DCDC1: variants seen among roughly 807,000 people sequenced by gnomAD.
The protein encoded by DCDC1 is doublecortin domain-containing protein 1.
A neutral mutation model predicts 178.3 loss-of-function variants in DCDC1; 200 were observed. The ratio of observed to expected loss-of-function variants is 1.12; its 90% CI spans 1.00 to 1.26. The LOEUF is 1.26. Ranked by LOEUF, DCDC1 falls within the 50% of genes most tolerant of loss-of-function variation. DCDC1 has a pLI of 0.00. For missense variants in DCDC1, 1,983 were observed against 1,749.2 expected (o/e 1.13, Z -2.38); for synonymous variants, 690 against 604.8 (o/e 1.14, Z -2.07).
chr11:31,308,044 T>A, intron 3 of DCDC1, 136 bp from the exon 4 acceptor site: 1 of 1,133,772 alleles, frequency 8.8e-7, no homozygotes, highest in East Asian at 2.5e-5. Context: ...GTTTAATGCC[T>A]ACAATATTCC....
chr11:31,348,410 C>T (rs1950914198), intron 1 of DCDC1, among the ~76,000 whole-genome samples: 1 of 152,148 alleles, frequency 6.6e-6, no homozygotes, highest in African/African-American at 2.4e-5. Context: ...CAGATATTAC[C>T]TCTCAAAGGC....
chr11:31,313,861 T>C (rs934100329), intron 3 of DCDC1, among the ~76,000 whole-genome samples: 3 of 152,200 alleles, frequency 2.0e-5, no homozygotes, highest in Non-Finnish European at 2.9e-5. Context: ...TCACCTACTG[T>C]TGAGATTTTC....
At chr11:31,268,502 C>T (rs1945328122) in intron 7 of DCDC1, among the ~76,000 whole-genome samples, 1 of 152,124 alleles carries the variant, frequency 6.6e-6, no homozygotes, top group South Asian at 2.1e-4. Flanking sequence ...CATTAATTTG[C>T]TTAGGATAAT....
intron 36 of DCDC1, among the ~76,000 whole-genome samples, chr11:30,887,308 A>G (rs1209342864): frequency 6.6e-6 from 1 of 152,232 alleles, no homozygotes; most frequent in Non-Finnish European, 1.5e-5. Context: ...GATATAAGGC[A>G]TGACAACAAC....
chr11:30,922,860 C>T (rs886383504), intron 23 of DCDC1, among the ~76,000 whole-genome samples: 4 of 152,066 alleles, frequency 2.6e-5, no homozygotes, highest in African/African-American at 4.8e-5. Flanking sequence ...AGTGAAAATA[C>T]TATCTTTGTA....
intron 1 of DCDC1, among the ~76,000 whole-genome samples, chr11:31,354,975 A>T (rs1951259780): frequency 6.6e-6 from 1 of 151,102 alleles, no homozygotes; most frequent in African/African-American, 2.4e-5. Context: ...TGACTTGTTA[A>T]TTCAACTAAG....
chr11:30,912,441 G>A (rs273599), intron 27 of DCDC1, among the ~76,000 whole-genome samples: 15,265 of 151,952 alleles, frequency 0.1, 947 homozygotes, highest in Admixed American at 0.19. Context: ...GTGCCACTAC[G>A]CCCAGCTAAT....
intron 20 of DCDC1, among the ~76,000 whole-genome samples, chr11:30,998,041 G>A (rs979910683): frequency 6.6e-6 from 1 of 152,046 alleles, no homozygotes; most frequent in Non-Finnish European, 1.5e-5. Flanking sequence ...TGTCTGTAAT[G>A]CCAGCACTTT....
chr11:31,123,901 T>G (rs1387653377), intron 11 of DCDC1, among the ~76,000 whole-genome samples: 1 of 152,020 alleles, frequency 6.6e-6, no homozygotes, highest in African/African-American at 2.4e-5. Context: ...TTTAATTAAT[T>G]AAAATTAAAA....
intron 10 of DCDC1, among the ~76,000 whole-genome samples, chr11:31,132,910 A>C (rs1428318467): frequency 6.6e-6 from 1 of 152,234 alleles, no homozygotes; most frequent in African/African-American, 2.4e-5. Context: ...AAACAAACCC[A>C]AACTTCTGAA....
Position 31,095,890 on chromosome 11 carries a change from T to A in DCDC1, c.1984-1706A>T, listed in dbSNP as rs981630948. On this transcript the variant is annotated intron_variant, in intron 15 of 38. Coordinates refer to ENST00000684477, the MANE Select transcript of DCDC1 (RefSeq NM_001387274.1). ...TTTAGTACCAATATTTATTTGTGTATGCTTATAGGAATATGCCAATTTATA... is the reference window on the plus strand; with the variant it reads ...TTTAGTACCAATATTTATTTGTGTAAGCTTATAGGAATATGCCAATTTATA... Among the ~76,000 whole-genome samples, 9 of 152,252 alleles carry A rather than the reference T, an allele frequency of 5.9e-5. No individual in the cohort carries two copies. The South Asian group carries it at 1.2e-3, about 21-fold the overall frequency.
At chr11:31,357,577 G>C (rs1951450996) in intron 1 of DCDC1, among the ~76,000 whole-genome samples, 1 of 152,158 alleles carries the variant, frequency 6.6e-6, no homozygotes, top group African/African-American at 2.4e-5. Context: ...AGTGTTGGAA[G>C]TTCTGGCCAG....
At chr11:30,919,618 G>A (rs866188122) in intron 25 of DCDC1, among the ~76,000 whole-genome samples, 34 of 152,148 alleles carry the variant, frequency 2.2e-4, no homozygotes, top group Admixed American at 6.5e-4. Context: ...TGCCATCTAG[G>A]ACCAATCATT....
intron 9 of DCDC1, among the ~76,000 whole-genome samples, chr11:31,154,235 A>G (rs976040567): frequency 6.6e-6 from 1 of 152,146 alleles, no homozygotes; most frequent in African/African-American, 2.4e-5. Context: ...CTGTGAGTCA[A>G]TTAAACCTCT....
At chr11:31,030,668 T>C (rs1953563108) in intron 20 of DCDC1, among the ~76,000 whole-genome samples, 1 of 152,124 alleles carries the variant, frequency 6.6e-6, no homozygotes, top group Admixed American at 6.5e-5. Context: ...CACCCTGACC[T>C]CCACGGCTTT....
rs151307506 is a variant in DCDC1, at chr11:30,987,152, G to A, written c.2592-34584C>T. Among the ~76,000 whole-genome samples, 617 of 152,190 alleles carry A rather than the reference G, an allele frequency of 4.1e-3. 2 individuals carry two copies. Among genetic ancestry groups the A allele is most frequent in the Middle Eastern group, 0.017 (5 of 294 alleles). ...CTGCCTCAGCCTCCCAAGTAGCTGG[G>A]ACTACAGGCATGCATCATCACACCC... On this transcript the variant is annotated intron_variant, in intron 20 of 38. Transcript: ENST00000684477.
In DCDC1 at chr11:31,307,566, A is replaced by G. The variant is rs141580644; in HGVS notation, c.434+73T>C. 1.3e-4 allele frequency: 198 copies of G among 1,544,452 alleles called. 2 individuals are homozygous for G. In the East Asian group the frequency reaches 4.4e-3, roughly 34 times the overall value. On this transcript the variant is annotated intron_variant, in intron 4 of 38. Coordinates refer to ENST00000684477, the MANE Select transcript of DCDC1 (RefSeq NM_001387274.1). ...TTTAATGTCTGAGATAGTCAATTGA[A>G]ACATTATAAACTCTGCTCAAAGGAA... is the stretch of plus-strand genomic sequence containing the variant.
At chr11:31,368,942 A>C (rs922043965) in intron 1 of DCDC1, among the ~76,000 whole-genome samples, 6 of 151,714 alleles carry the variant, frequency 4.0e-5, no homozygotes, top group African/African-American at 1.2e-4. Flanking sequence ...GGTGAGAAAA[A>C]CACCACCACC....
intron 21 of DCDC1, among the ~76,000 whole-genome samples, chr11:30,944,801 T>A (rs1177695701): frequency 6.6e-6 from 1 of 152,078 alleles, no homozygotes; most frequent in African/African-American, 2.4e-5. Flanking sequence ...TTCCTTTTGG[T>A]TTACAAGTAA....
Sources: gnomAD v4.1 joint callset for allele counts (sites outside exome capture counted in the v4.1 genomes callset) on GRCh38, gnomAD v4.1.1 for gene constraint, MANE v1.5 for transcripts, NCBI Gene and HGNC (gene_info 2026-07-23, HGNC 2026-07-21) for gene names.